The following PLA2G5 variants were observed in gnomAD, a reference collection of about 807,000 sequenced individuals.
PLA2G5 encodes the protein Ca2+-dependent phospholipase A2.
In PLA2G5, 12 loss-of-function variants were observed where a neutral mutation model predicts 15.9. The ratio of observed to expected loss-of-function variants is 0.76; its 90% CI spans 0.48 to 1.23. The LOEUF is 1.23. Among genes scored for constraint, PLA2G5 ranks in the 50% most tolerant of loss-of-function variants. The pLI is 0.00. For missense variants in PLA2G5, 169 were observed against 177.1 expected (o/e 0.95, Z 0.26); for synonymous variants, 71 against 71.4 (o/e 0.99, Z 0.03).
At chr1:20,063,152 C>T (rs1276004747) in intron 2 of PLA2G5, among the ~76,000 whole-genome samples, 1 of 151,844 alleles carries the variant, frequency 6.6e-6, no homozygotes, top group African/African-American at 2.4e-5. Flanking sequence ...ATGATCACGC[C>T]ACTGTACTCT....
chr1:20,073,644 A>C (rs1172553380), intron 1 of PLA2G5, among the ~76,000 whole-genome samples: 1 of 152,128 alleles, frequency 6.6e-6, no homozygotes, highest in Non-Finnish European at 1.5e-5. Context: ...GCATTTTGGG[A>C]GGCAGAGGCA....
intron 1 of PLA2G5, among the ~76,000 whole-genome samples, chr1:20,048,136 T>A (rs945237652): frequency 6.6e-6 from 1 of 152,174 alleles, no homozygotes; most frequent in African/African-American, 2.4e-5. Context: ...AAGCTCTAAT[T>A]AATTGGCTTA....
intron 1 of PLA2G5, among the ~76,000 whole-genome samples, chr1:20,056,346 C>G (rs572459486): frequency 6.6e-6 from 1 of 151,972 alleles, no homozygotes; most frequent in East Asian, 1.9e-4. Flanking sequence ...CATCTTGCCC[C>G]CCTATCCTAG....
intron 1 of PLA2G5, among the ~76,000 whole-genome samples, chr1:20,079,329 C>T (rs1193554668): frequency 6.6e-6 from 1 of 152,022 alleles, no homozygotes; most frequent in Non-Finnish European, 1.5e-5. Flanking sequence ...TCATTTAATC[C>T]TAACAACAGC....
chr1:20,075,312 G>A (rs2015608186), intron 1 of PLA2G5, among the ~76,000 whole-genome samples: 1 of 152,130 alleles, frequency 6.6e-6, no homozygotes. Flanking sequence ...CATCTCTTTG[G>A]CCAGTCCTTC....
At chr1:20,070,513 C>G in intron 1 of PLA2G5, 48 bp downstream of exon 1, 1 of 977,576 alleles carries the variant, frequency 1.0e-6, no homozygotes, top group Non-Finnish European at 1.2e-6. Context: ...TGGAGGGACG[C>G]CAGCTGGGAG....
At chr1:20,028,412 T>C (rs1174273062), upstream of PLA2G5, 4 of 152,242 alleles carry the variant, frequency 2.6e-5, no homozygotes, top group Non-Finnish European at 5.9e-5. Context: ...TATTTCACTT[T>C]AAGCACGGTC....
intron 3 of PLA2G5, 141 bp downstream of exon 3, chr1:20,086,368 G>A: frequency 1.0e-6 from 1 of 981,366 alleles, no homozygotes; most frequent in Non-Finnish European, 1.5e-6. Context: ...GAAATTAGCT[G>A]GCAATCCCAA....
intron 2 of PLA2G5, among the ~76,000 whole-genome samples, chr1:20,060,393 A>G (rs1009863233): frequency 6.6e-6 from 1 of 151,416 alleles, no homozygotes; most frequent in African/African-American, 2.4e-5. Flanking sequence ...AGCTGGGATT[A>G]TAGGCATGCG....
intron 3 of PLA2G5, among the ~76,000 whole-genome samples, chr1:20,089,461 A>G (rs767649327): frequency 3.9e-5 from 6 of 152,136 alleles, no homozygotes; most frequent in Non-Finnish European, 7.3e-5. Flanking sequence ...AACTGTGGGA[A>G]GTTTGTCTGG....
chr1:20,032,354 T>G (rs1412660640), intron 1 of PLA2G5, among the ~76,000 whole-genome samples: 1 of 130,874 alleles, frequency 7.6e-6, no homozygotes, highest in East Asian at 2.4e-4. Context: ...GTGTGTGTGG[T>G]TTTTTTTTTT....
chr1:20,069,072 A>G (rs1056554644), upstream of PLA2G5: 6 of 506,144 alleles, frequency 1.2e-5, no homozygotes, highest in African/African-American at 1.2e-4. Context: ...CAGCTAGGGG[A>G]AGCAAGTGAA....
At chr1:20,087,504 C>T (rs2016349866) in intron 3 of PLA2G5, among the ~76,000 whole-genome samples, 1 of 152,084 alleles carries the variant, frequency 6.6e-6, no homozygotes, top group Admixed American at 6.6e-5. Context: ...TGCCGTTCTC[C>T]TGCCTCAGTC....
intron 3 of PLA2G5, among the ~76,000 whole-genome samples, chr1:20,087,948 A>T (rs1158898949): frequency 6.6e-6 from 1 of 152,194 alleles, no homozygotes; most frequent in Non-Finnish European, 1.5e-5. Context: ...GAAAAAAGAA[A>T]ATCAGACAAA....
intron 3 of PLA2G5, among the ~76,000 whole-genome samples, chr1:20,087,000 C>G (rs548493145): frequency 2.0e-5 from 3 of 152,326 alleles, no homozygotes; most frequent in African/African-American, 7.2e-5. Context: ...CCAAGTTTCT[C>G]ACTGTTGGAG....
upstream of PLA2G5, among the ~76,000 whole-genome samples, chr1:20,067,282 G>A (rs1033805108): frequency 5.3e-5 from 8 of 152,000 alleles, no homozygotes; most frequent in Non-Finnish European, 7.4e-5. Context: ...TTACAGGTGT[G>A]AGCCATCTCA....
intron 1 of PLA2G5, among the ~76,000 whole-genome samples, chr1:20,051,639 A>T (rs2014181903): frequency 6.6e-6 from 1 of 152,226 alleles, no homozygotes; most frequent in South Asian, 2.1e-4. Context: ...GTGCAGTAAG[A>T]ATCTGTTTTC....
At chr1:20,068,935 C>A (rs1240065544), upstream of PLA2G5, 4 of 1,288,890 alleles carry the variant, frequency 3.1e-6, no homozygotes, top group African/African-American at 4.6e-5. Context: ...CACAGCAGAG[C>A]CAGGAAGGAC....
chr1:20,085,263 C>A (rs375160716), intron 2 of PLA2G5, among the ~76,000 whole-genome samples: 2 of 152,118 alleles, frequency 1.3e-5, no homozygotes, highest in African/African-American at 4.8e-5. Context: ...ACCTATGATT[C>A]CTGGGTCATT....
Sources: gnomAD v4.1 joint callset for allele counts (sites outside exome capture counted in the v4.1 genomes callset) on GRCh38, gnomAD v4.1.1 for gene constraint, MANE v1.5 for transcripts, NCBI Gene and HGNC (gene_info 2026-07-23, HGNC 2026-07-21) for gene names.